Variants in LRTM1 observed in about 807,000 individuals in gnomAD.
LRTM1 encodes leucine-rich repeat and transmembrane domain-containing protein 1.
A neutral mutation model predicts 32.4 loss-of-function variants in LRTM1; 38 were observed. The observed-to-expected ratio is 1.17, with a 90% confidence interval of 0.91 to 1.54. The LOEUF is 1.54. Among genes scored for constraint, LRTM1 ranks in the 40% most tolerant of loss-of-function variants. The probability of loss-of-function intolerance (pLI) is 0.00; values close to 1 mark genes in which losing one functional copy is unlikely to be tolerated. For missense variants in LRTM1, 466 were observed against 415.4 expected (o/e 1.12, Z -1.06); for synonymous variants, 186 against 169.9 (o/e 1.09, Z -0.74).
chr3:54,919,805 C>A (rs1476516216), intron 2 of LRTM1, among the ~76,000 whole-genome samples: 1 of 152,252 alleles, frequency 6.6e-6, no homozygotes, highest in Non-Finnish European at 1.5e-5. Context: ...ATACTCCACT[C>A]TTGTAGGTAA....
chr3:54,950,092 G>A (rs769186975), intron 1 of LRTM1, among the ~76,000 whole-genome samples: 8 of 152,210 alleles, frequency 5.3e-5, no homozygotes, highest in Admixed American at 2.6e-4. Flanking sequence ...TGAAAAAAGG[G>A]CGAAGTCTTT....
chr3:54,939,038 C>A (rs765968759), intron 1 of LRTM1, among the ~76,000 whole-genome samples: 6 of 152,192 alleles, frequency 3.9e-5, no homozygotes, highest in Non-Finnish European at 8.8e-5. Context: ...GATGCTACCT[C>A]TCCATTTGGG....
rs558762643 is a variant in LRTM1 at position 54,965,137 on chromosome 3, A to G, written c.-222+1791T>C. ...TCAGTTAAAACTACTCAGCTCTGCT[A>G]TTGGAGTCATAGACAGTGTGCAAAC... On this transcript the variant is annotated intron_variant, in intron 1 of 2. Transcript: ENST00000493075. Among the ~76,000 whole-genome samples, 37 of 152,296 alleles carry G rather than the reference A, an allele frequency of 2.4e-4. 1 individual carries two copies. In the South Asian group the frequency reaches 6.6e-3, roughly 27 times the overall value.
chr3:54,924,832 A>T lies in LRTM1; in HGVS notation c.391T>A (p.Ser131Thr). 3 of 1,613,998 alleles carry T rather than the reference A, an allele frequency of 1.9e-6. No homozygotes were observed. The highest frequency in any genetic ancestry group is 2.5e-6 in the Non-Finnish European group (3 of 1,179,942). Reference protein sequence around the residue: ...LPQLRELDLSSNNISHLPTSL... With the variant: ...LPQLRELDLSTNNISHLPTSL... The stretch of plus-strand genomic sequence containing the variant: ...GTGGGAAGGTGGCTTATGTTGTTTG[A>T]TGACAAATCAAGCTCCCTCAGCTGA... Residue 131 changes from serine to threonine, a missense_variant, in exon 2 of 3, where the codon TCA becomes ACA. Transcript: ENST00000273286.
intron 1 of LRTM1, among the ~76,000 whole-genome samples, chr3:54,939,434 C>G (rs557580872): frequency 1.3e-5 from 2 of 152,302 alleles, no homozygotes; most frequent in African/African-American, 4.8e-5. Flanking sequence ...CTTCCCCTGG[C>G]ATGTGGAGAA....
At position 54,924,775 on chromosome 3, in the gene LRTM1, T is replaced by C. The variant is rs778928451; in HGVS notation, c.448A>G (p.Ile150Val). Residue 150 changes from isoleucine to valine, a missense_variant, in exon 2 of 3, where the codon ATA becomes GTA. By Grantham distance (29) the Ile-to-Val change is conservative. Coordinates refer to ENST00000273286, the MANE Select transcript of LRTM1 (RefSeq NM_020678.4). ...AGCTGGTTTTGTTGAACCGCAAGTA[T>C]AGTTAGGTTCTCCCAAGTCTCTCCC... ...SLGETWENLTILAVQQNQLQQ... is the reference protein window; with the variant it reads ...SLGETWENLTVLAVQQNQLQQ... The C allele has an allele frequency of 1.4e-5, 23 of 1,613,916 alleles. No homozygotes were observed. The highest frequency in any genetic ancestry group is 4.0e-5 in the African/African-American group (3 of 74,886).
At chr3:54,963,509 A>G (rs1702078882) in intron 1 of LRTM1, among the ~76,000 whole-genome samples, 1 of 152,236 alleles carries the variant, frequency 6.6e-6, no homozygotes, top group Non-Finnish European at 1.5e-5. Context: ...TGTGAATATT[A>G]TTTAATTTTA....
chr3:54,921,385 A>G (rs930270322), intron 2 of LRTM1, among the ~76,000 whole-genome samples: 5 of 152,196 alleles, frequency 3.3e-5, no homozygotes, highest in African/African-American at 1.2e-4. Flanking sequence ...TATTTAGCAT[A>G]ATACCTAGCT....
intron 1 of LRTM1, among the ~76,000 whole-genome samples, chr3:54,958,525 T>C (rs1295564061): frequency 2.0e-5 from 3 of 152,076 alleles, no homozygotes. Context: ...CATTTTGGAG[T>C]CTGGGCAGGT....
chr3:54,927,380 T>A (rs1701052351), intron 1 of LRTM1, among the ~76,000 whole-genome samples: 1 of 152,202 alleles, frequency 6.6e-6, no homozygotes, highest in Non-Finnish European at 1.5e-5. Flanking sequence ...TTCCTTTCTA[T>A]AATTTTGCAA....
At chr3:54,946,884 A>G (rs1173228579) in intron 1 of LRTM1, among the ~76,000 whole-genome samples, 1 of 152,148 alleles carries the variant, frequency 6.6e-6, no homozygotes, top group Admixed American at 6.5e-5. Flanking sequence ...ATGGAGCTGT[A>G]GTGTGAATGA....
rs1702033709 is a variant in LRTM1 at position 54,961,706 on chromosome 3, T to TTCTGTCCCTGA, written c.-222+5221_-222+5222insTCAGGGACAGA. Among the ~76,000 whole-genome samples, 3 of 152,158 alleles carry TTCTGTCCCTGA rather than the reference T, an allele frequency of 2.0e-5. No individual in the cohort carries two copies. The East Asian group carries it at 5.8e-4, about 29-fold the overall frequency. On this transcript the variant is annotated intron_variant, in intron 1 of 2. Coordinates refer to the LRTM1 transcript ENST00000493075. Reference sequence around the variant, plus strand: ...ATGGCACCAGTATCATGGACAGCAGTCTTCTTGGGTTCTGTACCCTGACCT... The same window carrying TTCTGTCCCTGA: ...ATGGCACCAGTATCATGGACAGCAGTTCTGTCCCTGACTTCTTGGGTTCTGTACCCTGACCT...
At chr3:54,965,678 T>C (rs1331211038) in intron 1 of LRTM1, among the ~76,000 whole-genome samples, 4 of 152,104 alleles carry the variant, frequency 2.6e-5, no homozygotes, top group African/African-American at 9.7e-5. Context: ...TATTAACTTA[T>C]GGGTAAAAGA....
upstream of LRTM1, among the ~76,000 whole-genome samples, chr3:54,933,052 C>T (rs1436595119): frequency 1.6e-3 from 5 of 3,194 alleles, no homozygotes; most frequent in Non-Finnish European, 3.3e-3. Context: ...TCCATCCCTC[C>T]CTTCCTTCCT....
In LRTM1 at chr3:54,925,183, G is replaced by C; in HGVS notation, c.40C>G (p.Leu14Val). ...ELLLFSSVIV[L>V]LQVVCSCPDK... ...GGGCAGCTGCATACCACCTGGAGCA[G>C]GACAATCACACTGGAAAACAGGAGC... is the stretch of plus-strand genomic sequence containing the variant. Residue 14 changes from leucine (L) to valine (V), a missense_variant, in exon 2 of 3, where the codon CTG (leucine) becomes GTG (valine). Physicochemically the swap from Leu to Val is conservative, Grantham distance 32. Coordinates refer to ENST00000273286, the MANE Select transcript of LRTM1 (RefSeq NM_020678.4). 6.2e-7 allele frequency: 1 copy of C among 1,613,320 alleles called. No homozygotes were observed. The highest frequency in any genetic ancestry group is 1.1e-5 in the South Asian group (1 of 91,024).
rs1208840572 is a variant in LRTM1, at chr3:54,936,412, ATC to A, written c.-221-11199_-221-11198del. Reference sequence around the variant, plus strand: ...ATCTCAGTGAATTTGTGCTCTACATATCTCTGCTTGTCATCAAAGTCGCTCCA... The same window carrying A: ...ATCTCAGTGAATTTGTGCTCTACATATCTGCTTGTCATCAAAGTCGCTCCA... On this transcript the variant is annotated intron_variant, in intron 1 of 2. Transcript: ENST00000493075. Among the ~76,000 whole-genome samples the A allele has an allele frequency of 3.3e-5, 5 of 152,142 alleles. No individual in the cohort carries two copies. In the East Asian group the frequency reaches 9.7e-4, roughly 29 times the overall value.
In LRTM1 at chr3:54,951,082, A is replaced by T. The variant is rs1279934820; in HGVS notation, c.-222+15846T>A. On this transcript the variant is annotated intron_variant, in intron 1 of 2. Coordinates refer to the LRTM1 transcript ENST00000493075. ...CTTGTTTTCCTATATGCTGCCAAAA[A>T]AATCTACAGAACGCTCCAACTATAA... 2.0e-5 allele frequency among the ~76,000 whole-genome samples: 3 copies of T among 152,252 alleles called. No homozygotes were observed. In the East Asian group the frequency reaches 5.8e-4, roughly 29 times the overall value.
At chr3:54,943,174 C>T (rs1701519709) in intron 1 of LRTM1, among the ~76,000 whole-genome samples, 1 of 150,326 alleles carries the variant, frequency 6.7e-6, no homozygotes, top group African/African-American at 2.5e-5. Flanking sequence ...TTCACTCCAG[C>T]CTGGGTAATA....
At chr3:54,962,175 T>C (rs531557001) in intron 1 of LRTM1, among the ~76,000 whole-genome samples, 1 of 152,316 alleles carries the variant, frequency 6.6e-6, no homozygotes, top group South Asian at 2.1e-4. Flanking sequence ...GAGATCAAAT[T>C]TTAACATGAG....
Sources: allele counts gnomAD v4.1 joint callset (sites outside exome capture counted in the v4.1 genomes callset), GRCh38; gene constraint gnomAD v4.1.1; transcripts MANE v1.5; gene names NCBI Gene and HGNC (gene_info 2026-07-23, HGNC 2026-07-21).